Variants in FAM228B observed in about 807,000 individuals in gnomAD.
The protein encoded by FAM228B is protein FAM228B.
FAM228B carries 38 observed loss-of-function variants against 42.6 expected under a neutral mutation model. That is an observed-to-expected ratio of 0.89 (90% CI 0.69 to 1.17). The LOEUF (loss-of-function observed/expected upper bound fraction) is 1.17. Ranked by LOEUF, FAM228B falls within the 50% of genes most tolerant of loss-of-function variation. The pLI is 0.00. For missense variants in FAM228B, 344 were observed against 367.3 expected (o/e 0.94, Z 0.52); for synonymous variants, 109 against 122.3 (o/e 0.89, Z 0.72).
upstream of FAM228B, chr2:24,121,393 G>T: frequency 1.6e-6 from 2 of 1,225,062 alleles, no homozygotes; most frequent in Non-Finnish European, 1.1e-6. Context: ...TGGCCTGCAA[G>T]CTAAGAATGG....
At chr2:24,109,784 T>C (rs1009023490) in intron 3 of FAM228B, among the ~76,000 whole-genome samples, 12 of 152,092 alleles carry the variant, frequency 7.9e-5, no homozygotes, top group African/African-American at 2.9e-4. Flanking sequence ...CAAAAAATAA[T>C]AGATGTTGGC....
chr2:24,087,758 G>A (rs1253058539), intron 2 of FAM228B, among the ~76,000 whole-genome samples: 3 of 150,904 alleles, frequency 2.0e-5, no homozygotes, highest in Admixed American at 1.3e-4. Flanking sequence ...CTACAGGTGT[G>A]AGCCACCACA....
intron 7 of FAM228B, among the ~76,000 whole-genome samples, chr2:24,153,945 C>T (rs1667075133): frequency 6.6e-6 from 1 of 152,212 alleles, no homozygotes; most frequent in Non-Finnish European, 1.5e-5. Flanking sequence ...CGGGTGCTGG[C>T]TGAGCCCAGC....
At chr2:24,122,603 G>T, upstream of FAM228B, 1 of 1,060,868 alleles carries the variant, frequency 9.4e-7, no homozygotes, top group Non-Finnish European at 1.5e-6. Flanking sequence ...TAAAAGGCAT[G>T]TGAATACAAA....
intron 2 of FAM228B, among the ~76,000 whole-genome samples, chr2:24,082,192 C>T (rs961530272): frequency 2.0e-5 from 3 of 152,152 alleles, no homozygotes; most frequent in South Asian, 2.1e-4. Flanking sequence ...AACAGGGTTT[C>T]GCCATGTTGC....
At chr2:24,158,664 G>T (rs868273092) in intron 7 of FAM228B, among the ~76,000 whole-genome samples, 3 of 152,104 alleles carry the variant, frequency 2.0e-5, no homozygotes, top group African/African-American at 4.8e-5. Context: ...CACATTTTTG[G>T]TAATAAGAGT....
At chr2:24,110,946 T>C (rs1351592295) in intron 3 of FAM228B, among the ~76,000 whole-genome samples, 1 of 152,200 alleles carries the variant, frequency 6.6e-6, no homozygotes, top group Admixed American at 6.5e-5. Context: ...GGACACTTGG[T>C]CAAAGAATTA....
At position 24,142,680 on chromosome 2, in the gene FAM228B, A is replaced by C. The variant is rs1460096772; in HGVS notation, c.441+3230A>C. ...GGGTATTTGGCGGATATTTTCTGGA[A>C]AATGAATGAAGTCAGCTTGTCACTT... On this transcript the variant is annotated intron_variant, in intron 5 of 10. Transcript: ENST00000615575. 3.3e-5 allele frequency: 5 copies of C among 152,358 alleles called. No individual in the cohort carries two copies. The East Asian group carries it at 9.6e-4, about 29-fold the overall frequency. The allele number at this position is 152,358 out of a possible 1,614,324, so 9.4% of individuals were successfully genotyped here.
chr2:24,145,290 C>T (rs936826656), intron 5 of FAM228B, among the ~76,000 whole-genome samples: 2 of 152,174 alleles, frequency 1.3e-5, no homozygotes, highest in South Asian at 2.1e-4. Flanking sequence ...GCCCAGTGTC[C>T]CCATCCCCCG....
intron 2 of FAM228B, among the ~76,000 whole-genome samples, chr2:24,090,587 G>C (rs1260211055): frequency 7.0e-6 from 1 of 143,530 alleles, no homozygotes; most frequent in East Asian, 2.0e-4. Context: ...AAAAAAATAG[G>C]AAATGGAGTT....
chr2:24,084,108 G>A lies in FAM228B; in HGVS notation c.-210+3153G>A, dbSNP rs1665140834. On this transcript the variant is annotated intron_variant, in intron 2 of 10. Transcript: ENST00000613899. The surrounding 1 kb of genome is among the most constrained non-coding windows in gnomAD (Gnocchi z 8.4). ...GGTGTGGAGCGGTGCACGCCTTCAC[G>A]TCTGGTCAATGTCCACTGAGTGCTG... 6.6e-7 allele frequency: 1 copy of A among 1,515,718 alleles called. No individual in the cohort carries two copies. The highest frequency in any genetic ancestry group is 2.1e-5 in the Admixed American group (1 of 48,694). 93.9% of individuals were successfully genotyped at this position (1,515,718 alleles called of 1,614,324 possible).
intron 2 of FAM228B, among the ~76,000 whole-genome samples, chr2:24,134,428 G>A (rs1163579183): frequency 1.3e-5 from 2 of 152,210 alleles, no homozygotes; most frequent in African/African-American, 4.8e-5. Flanking sequence ...AAGAATCAAG[G>A]CTGGAAGATT....
chr2:24,127,336 C>T (rs1666339869), intron 2 of FAM228B, among the ~76,000 whole-genome samples: 1 of 152,184 alleles, frequency 6.6e-6, no homozygotes, highest in African/African-American at 2.4e-5. Context: ...TTGTTTATCC[C>T]TTCATCAGTG....
At chr2:24,103,287 G>A (rs996975885) in intron 3 of FAM228B, among the ~76,000 whole-genome samples, 1 of 152,208 alleles carries the variant, frequency 6.6e-6, no homozygotes, top group African/African-American at 2.4e-5. Context: ...TTTGACATCA[G>A]TCCTCAACTA....
Position 24,077,401 on chromosome 2 carries a change from C to G in FAM228B, c.-290+432C>G. 1.5e-6 allele frequency: 1 copy of G among 683,622 alleles called. No individual in the cohort carries two copies. The highest frequency in any genetic ancestry group is 3.0e-5 in the South Asian group (1 of 32,966). The allele number at this position is 683,622 out of a possible 1,614,324, so 42.3% of individuals were successfully genotyped here. On this transcript the variant is annotated intron_variant, in intron 1 of 10. Coordinates refer to the FAM228B transcript ENST00000613899. The surrounding 1 kb of genome is among the most constrained non-coding windows in gnomAD (Gnocchi z 5.5). ...GCCCGTCCGGACTCCCACCTCAACC[C>G]CGCCGCGGCGGCCCCAGTCCGCGTG...
upstream of FAM228B, chr2:24,122,344 A>C (rs1666144488): frequency 1.8e-6 from 2 of 1,118,672 alleles, no homozygotes; most frequent in Non-Finnish European, 2.7e-6. Context: ...AAAAAAAGTC[A>C]TGTCTGCTTC....
chr2:24,166,054 A>AAAATATATATATATATATATATAT (rs56146407), intron 9 of FAM228B: 2 of 81,028 alleles, frequency 2.5e-5, no homozygotes, highest in East Asian at 4.4e-4. Context: ...AAAAAAAAAA[A>AAAATATATATATATATATATATAT]ATATATATAT....
intron 8 of FAM228B, 147 bp from the exon 9 acceptor site, chr2:24,164,051 C>T (rs1298848302): frequency 5.6e-6 from 4 of 713,152 alleles, no homozygotes. Context: ...GGTTTATTTT[C>T]ACACAAAAAA....
At chr2:24,168,343 T>G (rs1024327797) in intron 10 of FAM228B, among the ~76,000 whole-genome samples, 2 of 152,144 alleles carry the variant, frequency 1.3e-5, no homozygotes, top group African/African-American at 4.8e-5. Flanking sequence ...GAAGGAACAT[T>G]CATGGAGCGA....
Sources: gnomAD v4.1 joint callset for allele counts (sites outside exome capture counted in the v4.1 genomes callset) on GRCh38, gnomAD v4.1.1 for gene constraint, Gnocchi (gnomAD v3.1) non-coding constraint, MANE v1.5 for transcripts, NCBI Gene and HGNC (gene_info 2026-07-23, HGNC 2026-07-21) for gene names.